The following RYR2 variants were observed in gnomAD, a reference collection of about 807,000 sequenced individuals.
RYR2 encodes ryanodine receptor 2, also known as cardiac muscle ryanodine receptor-calcium release channel.
In RYR2, 227 loss-of-function variants were observed where a neutral mutation model predicts 601.1. That is an observed-to-expected ratio of 0.38 (90% confidence interval 0.34 to 0.42). The LOEUF is 0.42. RYR2 is among the 10% of genes least tolerant of loss of function. The pLI, the probability that RYR2 is intolerant of heterozygous loss-of-function variation, is 1.00. For synonymous variants in RYR2, 2,223 were observed against 2,175.1 expected, an observed-to-expected ratio of 1.02 and a Z score of -0.61; for missense variants, 4,646 against 6,156.5, an observed-to-expected ratio of 0.75 and a Z score of 8.21.
intron 10 of RYR2, among the ~76,000 whole-genome samples, chr1:237,410,095 G>A (rs943303697): frequency 6.6e-6 from 1 of 152,092 alleles, no homozygotes; most frequent in African/African-American, 2.4e-5. Flanking sequence ...GAAAAATAAA[G>A]TTCACTTAGA....
At chr1:237,551,945 C>G (rs1559014733) in intron 27 of RYR2, among the ~76,000 whole-genome samples, 3 of 152,116 alleles carry the variant, frequency 2.0e-5, no homozygotes, top group South Asian at 2.1e-4. Context: ...GGTGTAGGAT[C>G]CTAATCATAG....
chr1:237,379,443 C>A (rs187628094), intron 8 of RYR2, among the ~76,000 whole-genome samples: 2 of 152,112 alleles, frequency 1.3e-5, no homozygotes, highest in Non-Finnish European at 2.9e-5. Flanking sequence ...ATGCATAGTG[C>A]CAAGGTTATT....
chr1:237,462,419 G>A (rs536421260), intron 16 of RYR2, among the ~76,000 whole-genome samples: 69 of 152,260 alleles, frequency 4.5e-4, no homozygotes, highest in African/African-American at 1.5e-3. Flanking sequence ...TAGAAACAGC[G>A]ATACTCATAG....
At chr1:237,042,861 C>T (rs185126551) in intron 1 of RYR2, among the ~76,000 whole-genome samples, 104 of 152,204 alleles carry the variant, frequency 6.8e-4, no homozygotes, top group Non-Finnish European at 1.4e-3. Context: ...ACAGGAGCGT[C>T]GGAGCTGCGG....
intron 97 of RYR2, among the ~76,000 whole-genome samples, chr1:237,798,957 G>A (rs548134856): frequency 1.3e-5 from 2 of 152,304 alleles, no homozygotes; most frequent in East Asian, 3.9e-4. Context: ...CTCTTAACAT[G>A]AGTAGGGATG....
At chr1:237,765,537 G>A (rs915426594) in intron 84 of RYR2, among the ~76,000 whole-genome samples, 2 of 152,138 alleles carry the variant, frequency 1.3e-5, no homozygotes, top group African/African-American at 2.4e-5. Context: ...TTTATGTGAA[G>A]TTGAAGCAAC....
chr1:237,809,343 A>G (rs939949742), intron 100 of RYR2, among the ~76,000 whole-genome samples: 2 of 152,180 alleles, frequency 1.3e-5, no homozygotes, highest in Admixed American at 6.5e-5. Flanking sequence ...GGGTAAAACT[A>G]TTTCCCAGAG....
At chr1:237,782,588 T>G (rs1394150151) in intron 89 of RYR2, among the ~76,000 whole-genome samples, 1 of 152,170 alleles carries the variant, frequency 6.6e-6, no homozygotes, top group South Asian at 2.1e-4. Context: ...GTAGCCACTT[T>G]ATACCCTTTA....
At position 237,688,100 on chromosome 1, in the gene RYR2, C is replaced by T. The variant is rs182708033; in HGVS notation, c.9067+596C>T. On this transcript the variant is annotated intron_variant, in intron 63 of 104. Transcript: ENST00000366574. Reference sequence around the variant, plus strand: ...GTCCATGTTCCAGAGCACCTGCTTCCGGACAGCCATGCAGGGTGGGCACTC... The same window carrying T: ...GTCCATGTTCCAGAGCACCTGCTTCTGGACAGCCATGCAGGGTGGGCACTC... Among the ~76,000 whole-genome samples, 304 of 152,234 alleles carry T rather than the reference C, an allele frequency of 2.0e-3. 8 individuals carry two copies. Among genetic ancestry groups the T allele is most frequent in the Admixed American group, 0.018 (282 of 15,294 alleles).
chr1:237,661,096 T>TA lies in RYR2; in HGVS notation c.8436+149_8436+150insA, dbSNP rs903876637. ...GGGAGAGAAAAAAGCTATATATATA[T>TA]TTTTTTTAGTTTCAAAGGAGGTTAA... is the stretch of plus-strand genomic sequence containing the variant. On this transcript the variant is annotated intron_variant, in intron 56 of 104. Transcript: ENST00000366574. 3.4e-5 allele frequency: 23 copies of TA among 669,642 alleles called. 1 individual carries two copies. The East Asian group carries it at 6.7e-4, about 19-fold the overall frequency. The allele number at this position is 669,642 out of a possible 1,614,324, so 41.5% of individuals were successfully genotyped here. A position where few individuals can be genotyped will look rare whatever the true frequency, so the allele number is the denominator to read the frequency against.
chr1:237,709,204 T>A (rs768746220), intron 69 of RYR2, 106 bp downstream of exon 69: 27 of 1,086,528 alleles, frequency 2.5e-5, no homozygotes, highest in Non-Finnish European at 3.3e-5. Flanking sequence ...ATGAGCTTGT[T>A]GGTAATTATA....
At chr1:237,375,092 T>C (rs1404515536) in intron 7 of RYR2, among the ~76,000 whole-genome samples, 3 of 152,212 alleles carry the variant, frequency 2.0e-5, no homozygotes, top group Non-Finnish European at 4.4e-5. Flanking sequence ...TAATGTACAC[T>C]AATTAGTTTG....
intron 23 of RYR2, among the ~76,000 whole-genome samples, chr1:237,511,296 CAAAA>C (rs764004466): frequency 4.5e-5 from 4 of 88,218 alleles, no homozygotes; most frequent in Non-Finnish European, 2.4e-5. Context: ...GTGTATGGAC[CAAAA>C]AAAAAAAAAA....
chr1:237,120,857 G>T (rs1399199059), intron 1 of RYR2: 3 of 152,326 alleles, frequency 2.0e-5, no homozygotes, highest in Non-Finnish European at 2.9e-5. Flanking sequence ...TGGCTGCCAG[G>T]TGTCTGGAGA....
chr1:237,181,698 A>G lies in RYR2; in HGVS notation c.49-88799A>G, dbSNP rs149845850. Among the ~76,000 whole-genome samples, 8 of 152,314 alleles carry G rather than the reference A, an allele frequency of 5.3e-5. No homozygotes were observed. The East Asian group carries it at 1.5e-3, about 29-fold the overall frequency. On this transcript the variant is annotated intron_variant, in intron 1 of 104. Transcript: ENST00000366574. The stretch of plus-strand genomic sequence containing the variant: ...ATCCTGTGAAAATCACTGCTGCACA[A>G]TGGCTGCTGAGTGTCTTAATAGGTC...
chr1:237,380,391 T>TTGTAA (rs1701387405), intron 8 of RYR2, among the ~76,000 whole-genome samples: 7 of 63,404 alleles, frequency 1.1e-4, no homozygotes, highest in East Asian at 3.5e-4. Context: ...TATATATATA[T>TTGTAA]ATATATATAT....
chr1:237,644,389 C>T (rs763498094), intron 48 of RYR2, among the ~76,000 whole-genome samples: 2 of 151,910 alleles, frequency 1.3e-5, no homozygotes, highest in Non-Finnish European at 2.9e-5. Context: ...TGTGTCACCA[C>T]GTTGGGCTAA....
chr1:237,567,682 GA>G (rs747607404), intron 28 of RYR2, among the ~76,000 whole-genome samples: 4 of 151,414 alleles, frequency 2.6e-5, no homozygotes, highest in Non-Finnish European at 5.9e-5. Flanking sequence ...TAAAATCATA[GA>G]TTTTTTTAAA....
chr1:237,334,256 T>C (rs149926405), intron 3 of RYR2, among the ~76,000 whole-genome samples: 10 of 152,090 alleles, frequency 6.6e-5, no homozygotes, highest in Admixed American at 4.6e-4. Context: ...ATCATGAACA[T>C]TACGATAACA....
Sources: gnomAD v4.1 joint callset for allele counts (sites outside exome capture counted in the v4.1 genomes callset) on GRCh38, gnomAD v4.1.1 for gene constraint, MANE v1.5 for transcripts, NCBI Gene and HGNC (gene_info 2026-07-23, HGNC 2026-07-21) for gene names.